ZSWIM6: variants seen among roughly 807,000 people sequenced by gnomAD.
ZSWIM6 encodes the protein zinc finger SWIM domain-containing protein 6.
A neutral mutation model predicts 113.2 loss-of-function variants in ZSWIM6; 9 were observed. The observed-to-expected ratio is 0.08, with a 90% CI of 0.05 to 0.14. The LOEUF (loss-of-function observed/expected upper bound fraction) is 0.14, where lower values mean the gene tolerates loss of function less well. Among genes scored for constraint, ZSWIM6 ranks in the 10% least tolerant of loss-of-function variants. The pLI, the probability that ZSWIM6 is intolerant of heterozygous loss-of-function variation, is 1.00. For synonymous variants in ZSWIM6, 611 were observed against 606.5 expected, an observed-to-expected ratio of 1.01 and a Z score of -0.11; for missense variants, 1,162 against 1,552.2, an observed-to-expected ratio of 0.75 and a Z score of 4.22.
chr5:61,332,744 TCCCCGGCCGCAACCTCGGCGGCCGCAA>T lies in ZSWIM6; in HGVS notation c.475_501del (p.Pro159_Thr167del). 7 of 884,258 alleles carry T rather than the reference TCCCCGGCCGCAACCTCGGCGGCCGCAA, an allele frequency of 7.9e-6. No individual in the cohort carries two copies. The highest frequency in any genetic ancestry group is 9.2e-6 in the Non-Finnish European group (7 of 757,044). 54.8% of individuals were successfully genotyped at this position (884,258 alleles called of 1,614,324 possible). A position where few individuals can be genotyped will look rare whatever the true frequency, so the allele number is the denominator to read the frequency against. The stretch of plus-strand genomic sequence containing the variant: ...CGGCGGCGGCGGCGGCTCCTCGTCT[TCCCCGGCCGCAACCTCGGCGGCCGCAA>T]CCTCGGCCGCCGCCGCCGCTGCCGC... On this transcript the variant is annotated inframe_deletion, in exon 1 of 14. Transcript: ENST00000252744.
At chr5:61,511,819 A>T (rs1748795767) in intron 4 of ZSWIM6, among the ~76,000 whole-genome samples, 1 of 152,160 alleles carries the variant, frequency 6.6e-6, no homozygotes, top group Admixed American at 6.6e-5. Context: ...ATAGAATAGT[A>T]ATTCTGACTG....
intron 1 of ZSWIM6, among the ~76,000 whole-genome samples, chr5:61,425,604 TATAAGGAGC>T (rs936640222): frequency 5.9e-5 from 9 of 152,150 alleles, no homozygotes; most frequent in African/African-American, 2.2e-4. Context: ...TTGGGAATTG[TATAAGGAGC>T]ATAAGGAGTA....
intron 4 of ZSWIM6, among the ~76,000 whole-genome samples, chr5:61,515,489 G>A (rs1232698008): frequency 3.3e-5 from 5 of 152,094 alleles, no homozygotes; most frequent in South Asian, 2.1e-4. Flanking sequence ...ATGCAAGAGC[G>A]TAGGTTAGAG....
At chr5:61,397,198 C>T (rs899611018) in intron 1 of ZSWIM6, among the ~76,000 whole-genome samples, 1 of 152,152 alleles carries the variant, frequency 6.6e-6, no homozygotes, top group Admixed American at 6.5e-5. Context: ...CAGGCTGTAC[C>T]TTCCTGTCCG....
intron 1 of ZSWIM6, among the ~76,000 whole-genome samples, chr5:61,343,885 CTTT>C (rs34203086): frequency 2.2e-5 from 3 of 138,024 alleles, no homozygotes; most frequent in Non-Finnish European, 1.6e-5. Flanking sequence ...GCACTTTGGA[CTTT>C]TTTTTTTTTT....
intron 1 of ZSWIM6, chr5:61,390,841 G>T: frequency 1.2e-6 from 1 of 819,650 alleles, no homozygotes; most frequent in South Asian, 1.3e-5. Flanking sequence ...GACTTGTGAA[G>T]GGTGAGCACT....
At chr5:61,482,776 G>A (rs1747909527) in intron 2 of ZSWIM6, among the ~76,000 whole-genome samples, 1 of 152,020 alleles carries the variant, frequency 6.6e-6, no homozygotes, top group African/African-American at 2.4e-5. Flanking sequence ...GAATTTTAGA[G>A]TTAAGGAAAT....
chr5:61,353,997 A>G (rs569445221), intron 1 of ZSWIM6, among the ~76,000 whole-genome samples: 3 of 152,316 alleles, frequency 2.0e-5, no homozygotes, highest in African/African-American at 7.2e-5. Context: ...ATTATAGCTT[A>G]AAGACCTAAC....
rs573893820 is a variant in ZSWIM6 at position 61,439,394 on chromosome 5, G to T, written c.677-33287G>T. On this transcript the variant is annotated intron_variant, in intron 1 of 13. Coordinates refer to ENST00000252744, the MANE Select transcript of ZSWIM6 (RefSeq NM_020928.2). ...CTGCTGGAATGACAGACTTAAAAAT[G>T]CTTATAACTAAAATATTTTATGTGC... 1.1e-4 allele frequency among the ~76,000 whole-genome samples: 16 copies of T among 152,304 alleles called. No individual in the cohort carries two copies. The East Asian group carries it at 1.5e-3, about 15-fold the overall frequency.
chr5:61,507,844 A>G (rs1748664972), intron 4 of ZSWIM6, among the ~76,000 whole-genome samples: 1 of 152,188 alleles, frequency 6.6e-6, no homozygotes, highest in South Asian at 2.1e-4. Flanking sequence ...AAATATGAGG[A>G]ATGGAATGAT....
At chr5:61,364,211 A>G (rs752312809) in intron 1 of ZSWIM6, among the ~76,000 whole-genome samples, 16 of 152,112 alleles carry the variant, frequency 1.1e-4, no homozygotes, top group Admixed American at 7.9e-4. Flanking sequence ...TGCCCGGCCC[A>G]TAGTTTCTAT....
chr5:61,490,572 A>G (rs900737090), intron 2 of ZSWIM6, among the ~76,000 whole-genome samples: 3 of 152,140 alleles, frequency 2.0e-5, no homozygotes, highest in Admixed American at 2.0e-4. Flanking sequence ...AAAAATAGAA[A>G]TATCTCAATT....
chr5:61,512,943 C>A (rs778649062), intron 4 of ZSWIM6, among the ~76,000 whole-genome samples: 74 of 151,864 alleles, frequency 4.9e-4, no homozygotes, highest in Non-Finnish European at 7.4e-4. Context: ...CAGAGTCATA[C>A]AACTGATGAA....
At chr5:61,533,947 C>A (rs904247046) in intron 9 of ZSWIM6, among the ~76,000 whole-genome samples, 2 of 152,204 alleles carry the variant, frequency 1.3e-5, no homozygotes, top group Admixed American at 6.5e-5. Flanking sequence ...TGTGTCTTCA[C>A]ATGACAGAGA....
rs561244523 is a variant in ZSWIM6, at chr5:61,387,066, A to G, written c.676+54118A>G. Among the ~76,000 whole-genome samples, 21 of 152,190 alleles carry G rather than the reference A, an allele frequency of 1.4e-4. No individual in the cohort carries two copies. In the South Asian group the frequency reaches 3.9e-3, roughly 29 times the overall value. ...ATAGAGTTCAAAAGGACTTGTTCTG[A>G]TTATTGAGAGTTTACTTCTCTGCTG... is the stretch of plus-strand genomic sequence containing the variant. On this transcript the variant is annotated intron_variant, in intron 1 of 13. Transcript: ENST00000252744.
At position 61,353,061 on chromosome 5, in the gene ZSWIM6, T is replaced by G. The variant is rs185596070; in HGVS notation, c.676+20113T>G. On this transcript the variant is annotated intron_variant, in intron 1 of 13. Transcript: ENST00000252744. ...TGTGCATTCTTGCTTATGCTTGAGC[T>G]TTTTTTCAGTTTGTTTTTAATCTTT... 4.0e-3 allele frequency among the ~76,000 whole-genome samples: 612 copies of G among 152,204 alleles called. 3 individuals are homozygous for G. Among genetic ancestry groups the G allele is most frequent in the Non-Finnish European group, 6.9e-3 (466 of 68,016 alleles).
intron 1 of ZSWIM6, among the ~76,000 whole-genome samples, chr5:61,405,111 T>A (rs759586898): frequency 6.6e-6 from 1 of 152,234 alleles, no homozygotes; most frequent in Non-Finnish European, 1.5e-5. Flanking sequence ...TTAACTGTAA[T>A]TATCCTGTTG....
At chr5:61,347,599 C>G (rs947056369) in intron 1 of ZSWIM6, 1 of 152,984 alleles carries the variant, frequency 6.5e-6, no homozygotes, top group South Asian at 2.0e-4. Flanking sequence ...AAAAAGGCCT[C>G]ACCTACAACA....
intron 1 of ZSWIM6, among the ~76,000 whole-genome samples, chr5:61,455,389 C>G (rs1299592695): frequency 6.6e-6 from 1 of 152,150 alleles, no homozygotes; most frequent in Non-Finnish European, 1.5e-5. Context: ...GAGCAAAATT[C>G]ACCAATATCC....
Sources: gnomAD v4.1 joint callset for allele counts (sites outside exome capture counted in the v4.1 genomes callset) on GRCh38, gnomAD v4.1.1 for gene constraint, MANE v1.5 for transcripts, NCBI Gene and HGNC (gene_info 2026-07-23, HGNC 2026-07-21) for gene names.